FERMT2: variants seen among roughly 807,000 people sequenced by gnomAD.
FERMT2 encodes FERM domain containing kindlin 2, also known as fermitin family homolog 2.
A neutral mutation model predicts 82.7 loss-of-function variants in FERMT2; 15 were observed. The ratio of observed to expected loss-of-function variants is 0.18; its 90% confidence interval spans 0.12 to 0.28. FERMT2 has a LOEUF of 0.28. Among genes scored for constraint, FERMT2 ranks in the 10% least tolerant of loss-of-function variants. FERMT2 has a pLI of 1.00. For synonymous variants in FERMT2, 274 were observed against 271.5 expected, an observed-to-expected ratio of 1.01 and a Z score of -0.09; for missense variants, 645 against 809.4, an observed-to-expected ratio of 0.80 and a Z score of 2.46.
chr14:52,875,440 T>C, intron 7 of FERMT2, 83 bp from the exon 8 acceptor site: 1 of 1,044,768 alleles, frequency 9.6e-7, no homozygotes. Flanking sequence ...CTATATTTAA[T>C]GCTTTTCAGG....
chr14:52,945,354 G>A (rs988017820), intron 2 of FERMT2, among the ~76,000 whole-genome samples: 1 of 151,596 alleles, frequency 6.6e-6, no homozygotes, highest in African/African-American at 2.4e-5. Flanking sequence ...AGGTTCAAGC[G>A]ATTCTCCTGG....
intron 2 of FERMT2, among the ~76,000 whole-genome samples, chr14:52,946,461 T>C (rs1890360663): frequency 1.3e-5 from 2 of 151,720 alleles, no homozygotes; most frequent in Non-Finnish European, 2.9e-5. Flanking sequence ...AAGACCAGCC[T>C]GGGCAACAAA....
chr14:52,926,454 A>T (rs887044841), intron 2 of FERMT2, among the ~76,000 whole-genome samples: 2 of 138,232 alleles, frequency 1.4e-5, no homozygotes, highest in African/African-American at 5.4e-5. Context: ...ACACACACAC[A>T]CTCAGCCTGG....
chr14:52,918,665 A>T (rs1888766025), intron 3 of FERMT2, among the ~76,000 whole-genome samples: 2 of 152,224 alleles, frequency 1.3e-5, no homozygotes, highest in South Asian at 4.1e-4. Context: ...AGAATGCATA[A>T]ATAGAAATAC....
intron 10 of FERMT2, among the ~76,000 whole-genome samples, chr14:52,866,350 T>C (rs919470540): frequency 6.6e-6 from 1 of 152,112 alleles, no homozygotes; most frequent in Admixed American, 6.5e-5. Flanking sequence ...ATCCTAACTC[T>C]TTGAGGAACC....
At chr14:52,921,092 T>C (rs1313782017) in intron 2 of FERMT2, among the ~76,000 whole-genome samples, 1 of 152,126 alleles carries the variant, frequency 6.6e-6, no homozygotes, top group African/African-American at 2.4e-5. Context: ...ATCTAGAAAT[T>C]GAAACACACA....
intron 3 of FERMT2, among the ~76,000 whole-genome samples, chr14:52,900,376 T>TAAAACATAC (rs1185980738): frequency 6.6e-5 from 10 of 151,708 alleles, no homozygotes; most frequent in African/African-American, 9.7e-5. Context: ...ACTATACATA[T>TAAAACATAC]AAAAAAGCAT....
chr14:52,860,024 A>G (rs546585736), intron 13 of FERMT2: 11 of 278,336 alleles, frequency 4.0e-5, no homozygotes, highest in African/African-American at 2.2e-4. Context: ...TCACCGTGTT[A>G]GCCAGGATGG....
At chr14:52,893,179 T>G in intron 4 of FERMT2, 114 bp downstream of exon 4, 1 of 1,021,748 alleles carries the variant, frequency 9.8e-7, no homozygotes, top group Middle Eastern at 2.2e-4. Context: ...GTTTTTGTTT[T>G]TTTAACTTGA....
chr14:52,950,694 G>A, intron 1 of FERMT2, 117 bp from the exon 2 acceptor site: 1 of 1,032,506 alleles, frequency 9.7e-7, no homozygotes, highest in Non-Finnish European at 1.4e-6. Flanking sequence ...CGGGGCTTTC[G>A]GCAGAAACTC....
chr14:52,933,251 C>T (rs1322787513), intron 2 of FERMT2, among the ~76,000 whole-genome samples: 1 of 152,186 alleles, frequency 6.6e-6, no homozygotes, highest in African/African-American at 2.4e-5. Context: ...CGGAGTCTAT[C>T]CCTTAAGCAG....
intron 2 of FERMT2, among the ~76,000 whole-genome samples, chr14:52,946,744 C>T (rs1338107039): frequency 1.3e-5 from 2 of 151,976 alleles, no homozygotes; most frequent in African/African-American, 4.8e-5. Flanking sequence ...GTGATTTTGG[C>T]TCACTGCAAC....
rs868836299 is a variant in FERMT2, at chr14:52,905,416, C to T, written c.392-11989G>A. ...TTTTACTTTAATTCAGCATTTATTGCTTTGATTAAAAAATAATTTCAAAAA... is the reference window on the plus strand; with the variant it reads ...TTTTACTTTAATTCAGCATTTATTGTTTTGATTAAAAAATAATTTCAAAAA... On this transcript the variant is annotated intron_variant, in intron 3 of 14. Transcript: ENST00000341590. Among the ~76,000 whole-genome samples the T allele has an allele frequency of 5.8e-4, 89 of 152,152 alleles. 1 individual carries two copies. The highest frequency in any genetic ancestry group is 2.0e-3 in the African/African-American group (83 of 41,508).
chr14:52,881,377 A>C lies in FERMT2; in HGVS notation c.619T>G (p.Trp207Gly). Reference sequence around the variant, plus strand: ...TCTGACAAAGCACTGTCACCAAACCAAGCAGAAGTTGGTGACAAGGGGCTT... The same window carrying C: ...TCTGACAAAGCACTGTCACCAAACCCAGCAGAAGTTGGTGACAAGGGGCTT... ...DGSPLSPTSA[W>G]FGDSALSEGN... The change falls in exon 5 of 15, where the codon TGG (tryptophan) becomes GGG (glycine). Residue 207 changes from tryptophan (W) to glycine (G), a missense_variant. Physicochemically the swap from Trp to Gly is radical, Grantham distance 184 (BLOSUM62 -2). Transcript: ENST00000341590. 1 of 1,613,896 alleles carries C rather than the reference A, an allele frequency of 6.2e-7. No homozygotes were observed.
At chr14:52,932,495 T>C (rs1162431927) in intron 2 of FERMT2, among the ~76,000 whole-genome samples, 2 of 152,216 alleles carry the variant, frequency 1.3e-5, no homozygotes, top group East Asian at 3.8e-4. Context: ...AAAGAGGTTA[T>C]GGTTAGCAGC....
rs144565310 is a variant in FERMT2, at chr14:52,908,009, A to G, written c.391+11114T>C. Among the ~76,000 whole-genome samples the G allele has an allele frequency of 2.3e-3, 347 of 152,358 alleles. 2 individuals carry two copies. The highest frequency in any genetic ancestry group is 8.3e-3 in the African/African-American group (344 of 41,592). On this transcript the variant is annotated intron_variant, in intron 3 of 14. Coordinates refer to ENST00000341590, the MANE Select transcript of FERMT2 (RefSeq NM_006832.3). Reference sequence around the variant, plus strand: ...AGAATGCTTACAACACAATCAGATGACAGCCTAATTTAAAGACGGACAGGC... The same window carrying G: ...AGAATGCTTACAACACAATCAGATGGCAGCCTAATTTAAAGACGGACAGGC...
intron 3 of FERMT2, among the ~76,000 whole-genome samples, chr14:52,908,645 C>T (rs537823173): frequency 9.9e-5 from 15 of 152,206 alleles, no homozygotes; most frequent in Admixed American, 8.5e-4. Flanking sequence ...TGGCAGAGGT[C>T]GGAAGGGTAA....
intron 3 of FERMT2, among the ~76,000 whole-genome samples, chr14:52,912,629 C>G (rs1888388155): frequency 1.3e-5 from 2 of 152,068 alleles, no homozygotes; most frequent in Admixed American, 6.6e-5. Context: ...CCTGCCTCAG[C>G]CTCTCAAACA....
intron 2 of FERMT2, among the ~76,000 whole-genome samples, chr14:52,940,236 ATAAT>A (rs1437982637): frequency 1.3e-5 from 2 of 152,032 alleles, no homozygotes; most frequent in African/African-American, 2.4e-5. Flanking sequence ...TAAATGACAG[ATAAT>A]TAAGTCTGAA....
Sources: allele counts gnomAD v4.1 joint callset (sites outside exome capture counted in the v4.1 genomes callset), GRCh38; gene constraint gnomAD v4.1.1; transcripts MANE v1.5; gene names NCBI Gene and HGNC (gene_info 2026-07-23, HGNC 2026-07-21).